The following NXPE4 variants were observed in gnomAD, a reference collection of about 807,000 sequenced individuals.
NXPE4 encodes NXPE family member 4.
A neutral mutation model predicts 33.3 loss-of-function variants in NXPE4; 42 were observed. The ratio of observed to expected loss-of-function variants is 1.26; its 90% CI spans 0.98 to 1.63. The LOEUF is 1.63. Among genes scored for constraint, NXPE4 ranks in the 40% most tolerant of loss-of-function variants. The pLI is 0.00. For missense variants in NXPE4, 709 were observed against 647.6 expected, an observed-to-expected ratio of 1.09 and a Z score of -1.03; for synonymous variants, 253 against 234.9, an observed-to-expected ratio of 1.08 and a Z score of -0.71.
the NXPE4 span, among the ~76,000 whole-genome samples, chr11:114,645,476 GACAA>G: frequency 6.6e-6 from 1 of 151,962 alleles, no homozygotes; most frequent in East Asian, 1.9e-4. Context: ...ATTTCTGAAA[GACAA>G]ACAAAAACCA....
At chr11:114,594,974 C>T (rs2135303232) in intron 1 of NXPE4, among the ~76,000 whole-genome samples, 1 of 152,174 alleles carries the variant, frequency 6.6e-6, no homozygotes, top group Middle Eastern at 3.4e-3. Context: ...GTACATTCTA[C>T]AGAACAGATA....
chr11:114,578,764 C>T (rs1162138364), intron 5 of NXPE4, among the ~76,000 whole-genome samples: 1 of 152,140 alleles, frequency 6.6e-6, no homozygotes, highest in East Asian at 1.9e-4. Flanking sequence ...GGTCTACTAG[C>T]AAATTCTGAG....
chr11:114,675,465 A>G, the NXPE4 span, among the ~76,000 whole-genome samples: 2 of 151,912 alleles, frequency 1.3e-5, no homozygotes, highest in Non-Finnish European at 2.9e-5. Flanking sequence ...AAGTTGCAGG[A>G]TACAAAATTC....
At chr11:114,602,709 A>G in the NXPE4 span, among the ~76,000 whole-genome samples, 1 of 133,374 alleles carries the variant, frequency 7.5e-6, no homozygotes, top group African/African-American at 2.9e-5. Context: ...TAATAATTAC[A>G]GAATCACATA....
the NXPE4 span, among the ~76,000 whole-genome samples, chr11:114,645,939 G>C: frequency 1.3e-5 from 2 of 151,990 alleles, no homozygotes; most frequent in African/African-American, 4.8e-5. Flanking sequence ...AGAAAATTTT[G>C]GCAACATCTA....
At chr11:114,659,029 A>G in the NXPE4 span, among the ~76,000 whole-genome samples, 1 of 152,180 alleles carries the variant, frequency 6.6e-6, no homozygotes, top group Middle Eastern at 3.2e-3. Flanking sequence ...TTGTCAAAAC[A>G]ATACTCACCT....
At chr11:114,601,816 TA>T in the NXPE4 span, among the ~76,000 whole-genome samples, 1 of 74,578 alleles carries the variant, frequency 1.3e-5, no homozygotes, top group Non-Finnish European at 2.3e-5. Context: ...ATTATATAAT[TA>T]TATATAATAT....
the NXPE4 span, among the ~76,000 whole-genome samples, chr11:114,652,625 G>A: frequency 4.6e-5 from 7 of 152,204 alleles, no homozygotes; most frequent in African/African-American, 1.7e-4. Flanking sequence ...TTGTCATCAG[G>A]AGGTAATAAA....
the NXPE4 span, among the ~76,000 whole-genome samples, chr11:114,629,979 T>C: frequency 5.3e-5 from 8 of 150,530 alleles, no homozygotes; most frequent in East Asian, 1.6e-3. Context: ...GTGAAGGAAC[T>C]CTTCAAGGAG....
chr11:114,575,645 G>A (rs1003576001), intron 5 of NXPE4, among the ~76,000 whole-genome samples: 9 of 151,970 alleles, frequency 5.9e-5, no homozygotes, highest in Middle Eastern at 3.4e-3. Flanking sequence ...CCTAGCCAAG[G>A]ATGTCAAAGA....
At chr11:114,573,954 G>T (rs1948944921) in intron 5 of NXPE4, among the ~76,000 whole-genome samples, 1 of 151,952 alleles carries the variant, frequency 6.6e-6, no homozygotes, top group Non-Finnish European at 1.5e-5. Flanking sequence ...TAGAGCATAT[G>T]ATAGGCCACA....
the NXPE4 span, among the ~76,000 whole-genome samples, chr11:114,633,556 G>A: frequency 1.3e-5 from 2 of 151,176 alleles, no homozygotes; most frequent in African/African-American, 2.4e-5. Flanking sequence ...CTTGTGTGCT[G>A]CACCCATTGA....
At chr11:114,623,793 T>G in the NXPE4 span, among the ~76,000 whole-genome samples, 1 of 151,592 alleles carries the variant, frequency 6.6e-6, no homozygotes, top group Non-Finnish European at 1.5e-5. Flanking sequence ...ACTCTTACCC[T>G]ATGGATAACA....
At chr11:114,669,307 G>A in the NXPE4 span, among the ~76,000 whole-genome samples, 1 of 152,076 alleles carries the variant, frequency 6.6e-6, no homozygotes, top group Non-Finnish European at 1.5e-5. Context: ...ACTGGAAATT[G>A]AGCCACAAAA....
At chr11:114,608,508 T>C in the NXPE4 span, among the ~76,000 whole-genome samples, 1,337 of 152,096 alleles carry the variant, frequency 8.8e-3, 21 homozygotes, top group African/African-American at 0.031. Flanking sequence ...AGATGATAAG[T>C]GTTGCCTCGT....
the NXPE4 span, among the ~76,000 whole-genome samples, chr11:114,674,090 AAAAC>A: frequency 0.3 from 38,930 of 131,694 alleles, 5,310 homozygotes; most frequent in Middle Eastern, 0.4. Context: ...ACATTGTTTA[AAAAC>A]AAACAAACAA....
chr11:114,582,738 A>G lies in NXPE4; in HGVS notation c.380T>C (p.Leu127Ser). 1 of 1,614,058 alleles carries G rather than the reference A, an allele frequency of 6.2e-7. No homozygotes were observed. The highest frequency in any genetic ancestry group is 2.2e-5 in the East Asian group (1 of 44,884). The change falls in exon 3 of 6, where the codon TTG becomes TCG. Residue 127 changes from leucine (L) to serine (S), a missense_variant. Coordinates refer to ENST00000375478, the MANE Select transcript of NXPE4 (RefSeq NM_001077639.2). ...LHILLEVRDH[L>S]GRRKQYGGDF... ...CCCGCCATATTGCTTCCTGCGTCCC[A>G]AGTGGTCCCTCACCTCCAGCAGGAT...
chr11:114,623,427 A>T, the NXPE4 span, among the ~76,000 whole-genome samples: 6 of 152,102 alleles, frequency 3.9e-5, no homozygotes, highest in Non-Finnish European at 8.8e-5. Context: ...CTGGATAATA[A>T]GTATTCCCTC....
the NXPE4 span, among the ~76,000 whole-genome samples, chr11:114,642,234 G>A: frequency 2.4e-4 from 36 of 151,986 alleles, no homozygotes; most frequent in African/African-American, 8.2e-4. Flanking sequence ...AAAAAACCCG[G>A]TCTAACAATG....
Sources: gnomAD v4.1 joint callset for allele counts (sites outside exome capture counted in the v4.1 genomes callset) on GRCh38, gnomAD v4.1.1 for gene constraint, MANE v1.5 for transcripts, NCBI Gene and HGNC (gene_info 2026-07-23, HGNC 2026-07-21) for gene names.